The following PDS5B variants were observed in gnomAD, a reference collection of about 807,000 sequenced individuals.
PDS5B encodes the protein PDS5 cohesin associated factor B, also known as sister chromatid cohesion protein PDS5 homolog B.
In PDS5B, 51 loss-of-function variants were observed where a neutral mutation model predicts 184.1. That is an observed-to-expected ratio of 0.28 (90% CI 0.22 to 0.35). The LOEUF is 0.35. PDS5B is among the 10% of genes least tolerant of loss of function. PDS5B has a pLI of 1.00. For synonymous variants in PDS5B, 566 were observed against 569.2 expected, an observed-to-expected ratio of 0.99 and a Z score of 0.08; for missense variants, 1,180 against 1,723.3, an observed-to-expected ratio of 0.68 and a Z score of 5.58.
chr13:32,700,703 C>T (rs1006787268), intron 16 of PDS5B, among the ~76,000 whole-genome samples: 1 of 151,936 alleles, frequency 6.6e-6, no homozygotes, highest in Admixed American at 6.6e-5. Flanking sequence ...CTTTACATAC[C>T]ATAGTTTCTA....
chr13:32,599,511 G>C (rs977942808), intron 1 of PDS5B, among the ~76,000 whole-genome samples: 1 of 151,874 alleles, frequency 6.6e-6, no homozygotes, highest in African/African-American at 2.4e-5. Flanking sequence ...TGATCTGCCC[G>C]CCTTGGGCTC....
At chr13:32,711,017 G>A (rs1213264857) in intron 19 of PDS5B, among the ~76,000 whole-genome samples, 1 of 151,150 alleles carries the variant, frequency 6.6e-6, no homozygotes, top group East Asian at 1.9e-4. Flanking sequence ...TTGAGATGGA[G>A]CCTCACTCTG....
At chr13:32,635,781 T>C (rs2058544107) in intron 1 of PDS5B, among the ~76,000 whole-genome samples, 2 of 150,536 alleles carry the variant, frequency 1.3e-5, no homozygotes, top group African/African-American at 4.9e-5. Flanking sequence ...TTTTTTTTTT[T>C]TTTTGAGGCA....
intron 3 of PDS5B, among the ~76,000 whole-genome samples, chr13:32,655,374 A>ATATATATATATATATATATATATATATT: frequency 1.4e-5 from 1 of 72,462 alleles, no homozygotes; most frequent in Non-Finnish European, 2.2e-5. Context: ...ATATATATAT[A>ATATATATATATATATATATATATATATT]TTTTTTTTTT....
chr13:32,758,423 C>A, intron 27 of PDS5B, 111 bp from the exon 28 acceptor site: 1 of 1,124,550 alleles, frequency 8.9e-7, no homozygotes, highest in Non-Finnish European at 1.3e-6. Context: ...CAGACTGTTG[C>A]TTTCATTAGT....
chr13:32,730,511 C>T (rs1953072641), intron 19 of PDS5B, among the ~76,000 whole-genome samples: 1 of 152,116 alleles, frequency 6.6e-6, no homozygotes, highest in Non-Finnish European at 1.5e-5. Context: ...ATGGGAATAG[C>T]ATTGAATCTA....
chr13:32,655,571 C>G (rs942073962), intron 3 of PDS5B, among the ~76,000 whole-genome samples: 10 of 150,844 alleles, frequency 6.6e-5, no homozygotes, highest in African/African-American at 2.0e-4. Flanking sequence ...AGTGGTTTTA[C>G]CACGTTGACT....
At chr13:32,625,942 G>A (rs1021850074) in intron 1 of PDS5B, among the ~76,000 whole-genome samples, 3 of 151,620 alleles carry the variant, frequency 2.0e-5, no homozygotes, top group Non-Finnish European at 4.4e-5. Context: ...GGATTCAAGC[G>A]ATTCTTGTGC....
intron 17 of PDS5B, among the ~76,000 whole-genome samples, chr13:32,706,282 A>AT (rs1347391199): frequency 2.0e-5 from 2 of 101,234 alleles, no homozygotes; most frequent in Admixed American, 2.0e-4. Context: ...CGTCTCAAAA[A>AT]TAAATAAATA....
chr13:32,691,456 T>A (rs191374393), intron 13 of PDS5B, among the ~76,000 whole-genome samples: 136 of 152,276 alleles, frequency 8.9e-4, no homozygotes, highest in Middle Eastern at 3.4e-3. Context: ...CTTCCTTTTT[T>A]ATTTTTTTAC....
intron 1 of PDS5B, among the ~76,000 whole-genome samples, chr13:32,588,929 C>T (rs562674303): frequency 7.9e-5 from 12 of 152,304 alleles, no homozygotes; most frequent in African/African-American, 2.4e-4. Flanking sequence ...ATACCCAAAA[C>T]TTTGTGGGGA....
rs1396831204 is a variant in PDS5B at position 32,776,286 on chromosome 13, G to T, written c.*1234G>T. The T allele has an allele frequency of 1.3e-5, 2 of 152,448 alleles. No individual in the cohort carries two copies. The highest frequency in any genetic ancestry group is 2.9e-5 in the Non-Finnish European group (2 of 68,036). The allele number at this position is 152,448 out of a possible 1,614,324, so 9.4% of individuals were successfully genotyped here. A position where few individuals can be genotyped will look rare whatever the true frequency, so the allele number is the denominator to read the frequency against. On this transcript the variant is annotated 3_prime_UTR_variant, in exon 35 of 35. Coordinates refer to ENST00000315596, the MANE Select transcript of PDS5B (RefSeq NM_015032.4). ...TTGGAGCCAAAAAATTGATTCTGGG[G>T]GGTGGGGGCAGCGTAGAAGTGGTAT...
intron 31 of PDS5B, among the ~76,000 whole-genome samples, chr13:32,765,362 A>G (rs991260326): frequency 6.6e-6 from 1 of 152,212 alleles, no homozygotes; most frequent in East Asian, 1.9e-4. Context: ...CTGCTGTTTC[A>G]TTGTTACGAC....
chr13:32,600,636 G>A (rs1186722626), intron 1 of PDS5B, among the ~76,000 whole-genome samples: 2 of 152,208 alleles, frequency 1.3e-5, no homozygotes, highest in Admixed American at 6.5e-5. Context: ...CTGCTTGGGT[G>A]GCTGAGGCAG....
At chr13:32,683,291 G>A (rs1206503335) in intron 10 of PDS5B, among the ~76,000 whole-genome samples, 1 of 150,778 alleles carries the variant, frequency 6.6e-6, no homozygotes, top group African/African-American at 2.4e-5. Context: ...TTACAGGTGT[G>A]AGCTACCACG....
intron 6 of PDS5B, 124 bp from the exon 7 acceptor site, chr13:32,667,640 C>T: frequency 1.7e-6 from 1 of 600,112 alleles, no homozygotes; most frequent in Non-Finnish European, 2.9e-6. Flanking sequence ...TTTGCCTTCT[C>T]TCTTTTATTC....
intron 19 of PDS5B, among the ~76,000 whole-genome samples, chr13:32,731,385 A>G (rs1357148494): frequency 6.6e-6 from 1 of 152,168 alleles, no homozygotes; most frequent in African/African-American, 2.4e-5. Context: ...AGGTGGCTAT[A>G]TGACTTACTC....
intron 1 of PDS5B, among the ~76,000 whole-genome samples, chr13:32,611,444 G>A (rs946297988): frequency 6.7e-6 from 1 of 148,224 alleles, no homozygotes; most frequent in East Asian, 2.0e-4. Flanking sequence ...CCATCCTTCA[G>A]TAATTGTTAA....
intron 24 of PDS5B, among the ~76,000 whole-genome samples, chr13:32,748,293 T>A (rs1409510085): frequency 6.6e-6 from 1 of 152,164 alleles, no homozygotes; most frequent in African/African-American, 2.4e-5. Context: ...ATTTTGTCAT[T>A]TGCCTTTGTT....
Sources: gnomAD v4.1 joint callset for allele counts (sites outside exome capture counted in the v4.1 genomes callset) on GRCh38, gnomAD v4.1.1 for gene constraint, MANE v1.5 for transcripts, NCBI Gene and HGNC (gene_info 2026-07-23, HGNC 2026-07-21) for gene names.